Variants in ARMH4 observed in about 807,000 individuals in gnomAD.
The protein encoded by ARMH4 is armadillo like helical domain containing 4.
In ARMH4, 49 loss-of-function variants were observed where a neutral mutation model predicts 61.9. That is an observed-to-expected ratio of 0.79 (90% CI 0.63 to 1.00). ARMH4 has a LOEUF of 1.00. Among genes scored for constraint, ARMH4 ranks in the 50% least tolerant of loss-of-function variants. ARMH4 has a pLI of 0.00. For missense variants in ARMH4, 934 were observed against 930.0 expected (o/e 1.00, Z -0.06); for synonymous variants, 368 against 341.5 (o/e 1.08, Z -0.85).
chr14:58,047,941 G>C (rs2141194636), intron 5 of ARMH4, among the ~76,000 whole-genome samples: 1 of 152,206 alleles, frequency 6.6e-6, no homozygotes, highest in East Asian at 1.9e-4. Context: ...CAGAAACCAA[G>C]GAAACCAGGC....
chr14:58,044,721 T>C (rs10140211), intron 5 of ARMH4, among the ~76,000 whole-genome samples: 75,882 of 151,716 alleles, frequency 0.5, 19,123 homozygotes, highest in East Asian at 0.68. Flanking sequence ...ACTCATCCGA[T>C]AAAGGGCTAA....
At chr14:58,023,004 T>C (rs962734845) in intron 5 of ARMH4, among the ~76,000 whole-genome samples, 3 of 152,350 alleles carry the variant, frequency 2.0e-5, no homozygotes, top group South Asian at 2.1e-4. Context: ...AAATACTTTA[T>C]TACCAAAAAA....
At chr14:58,076,034 AGAAGAAAGAG>A (rs1462972177) in intron 5 of ARMH4, among the ~76,000 whole-genome samples, 1 of 147,922 alleles carries the variant, frequency 6.8e-6, no homozygotes, top group Non-Finnish European at 1.5e-5. Flanking sequence ...GAAAGAAGGA[AGAAGAAAGAG>A]GAAGAAAGAA....
At chr14:58,060,082 T>A (rs1804938478) in intron 5 of ARMH4, among the ~76,000 whole-genome samples, 1 of 152,218 alleles carries the variant, frequency 6.6e-6, no homozygotes, top group Non-Finnish European at 1.5e-5. Context: ...TCATATTAAG[T>A]CCATTGTATT....
intron 4 of ARMH4, among the ~76,000 whole-genome samples, chr14:58,100,807 C>G (rs554088232): frequency 6.6e-6 from 1 of 152,220 alleles, no homozygotes; most frequent in East Asian, 1.9e-4. Context: ...AGCAGGGACT[C>G]CTGGCCATCC....
intron 5 of ARMH4, among the ~76,000 whole-genome samples, chr14:58,016,931 C>T (rs1027117812): frequency 6.6e-6 from 1 of 152,188 alleles, no homozygotes; most frequent in Non-Finnish European, 1.5e-5. Flanking sequence ...GACAAGGATG[C>T]TCACTCTTGC....
At chr14:58,148,082 C>A (rs780838640) in intron 1 of ARMH4, among the ~76,000 whole-genome samples, 1 of 152,174 alleles carries the variant, frequency 6.6e-6, no homozygotes, top group Non-Finnish European at 1.5e-5. Flanking sequence ...TGGAGTCTCG[C>A]TCTGTCGCCC....
At position 58,076,107 on chromosome 14, in the gene ARMH4, AG is replaced by A. The variant is rs202106059; in HGVS notation, c.2089+20616del. On this transcript the variant is annotated intron_variant, in intron 5 of 7. Transcript: ENST00000267485. Reference sequence around the variant, plus strand: ...GAGGAGGAAGGGGAGGGGAAGGGGGAGGGGGAAGGGGAGGAGGAGGAGGAGG... The same window carrying A: ...GAGGAGGAAGGGGAGGGGAAGGGGGAGGGGAAGGGGAGGAGGAGGAGGAGG... Among the ~76,000 whole-genome samples, 437 of 98,848 alleles carry A rather than the reference AG, an allele frequency of 4.4e-3. 5 individuals are homozygous for A. Among genetic ancestry groups the A allele is most frequent in the African/African-American group, 0.016 (416 of 26,394 alleles). The allele number at this position is 98,848 out of a possible 152,430, so 64.8% of individuals were successfully genotyped here. A position where few individuals can be genotyped will look rare whatever the true frequency, so the allele number is the denominator to read the frequency against.
At chr14:58,068,407 C>G (rs904449018) in intron 5 of ARMH4, among the ~76,000 whole-genome samples, 6 of 152,156 alleles carry the variant, frequency 3.9e-5, no homozygotes, top group Non-Finnish European at 7.4e-5. Context: ...CTCAGAACGC[C>G]ACATCCCTTG....
intron 4 of ARMH4, among the ~76,000 whole-genome samples, chr14:58,120,157 AC>A (rs1483645832): frequency 1.3e-5 from 2 of 152,266 alleles, no homozygotes; most frequent in East Asian, 3.9e-4. Context: ...ATGTTACTGT[AC>A]TGAATACTGT....
chr14:58,073,752 A>AAACC (rs1884959799), intron 5 of ARMH4, among the ~76,000 whole-genome samples: 1 of 152,222 alleles, frequency 6.6e-6, no homozygotes, highest in African/African-American at 2.4e-5. Flanking sequence ...GAAATCAAGG[A>AAACC]AACCACCCGG....
chr14:58,101,777 C>A (rs898361471), intron 4 of ARMH4, among the ~76,000 whole-genome samples: 2 of 152,008 alleles, frequency 1.3e-5, no homozygotes, highest in South Asian at 4.1e-4. Flanking sequence ...CATGAAGAAC[C>A]CACCATTGAT....
intron 5 of ARMH4, among the ~76,000 whole-genome samples, chr14:58,059,868 T>G (rs967630446): frequency 6.6e-6 from 1 of 151,976 alleles, no homozygotes; most frequent in Admixed American, 6.6e-5. Flanking sequence ...GAGCTCCCTG[T>G]TTTTTTTGAG....
At chr14:58,100,047 C>T (rs1487075264) in intron 4 of ARMH4, among the ~76,000 whole-genome samples, 1 of 152,114 alleles carries the variant, frequency 6.6e-6, no homozygotes, top group Non-Finnish European at 1.5e-5. Flanking sequence ...AGACAAGGTC[C>T]AGTGCACAGG....
chr14:58,102,628 G>C lies in ARMH4; in HGVS notation c.1832-5647C>G, dbSNP rs1031118268. Among the ~76,000 whole-genome samples the C allele has an allele frequency of 5.9e-4, 89 of 150,050 alleles. 1 individual carries two copies. Among genetic ancestry groups the C allele is most frequent in the Non-Finnish European group, 9.9e-4 (67 of 67,536 alleles). On this transcript the variant is annotated intron_variant, in intron 4 of 7. Coordinates refer to ENST00000267485, the MANE Select transcript of ARMH4 (RefSeq NM_001001872.4). ...AGATCGAGACCATCCTGGCTAACAA[G>C]GTGAAACCCCGTCTCTACTAAAAAT...
intron 5 of ARMH4, among the ~76,000 whole-genome samples, chr14:58,021,977 T>C (rs772959325): frequency 2.0e-5 from 3 of 152,174 alleles, no homozygotes; most frequent in Admixed American, 6.6e-5. Context: ...TTCCTAAAGC[T>C]ACTATAACAA....
intron 4 of ARMH4, among the ~76,000 whole-genome samples, chr14:58,122,665 G>C (rs2141308016): frequency 6.6e-6 from 1 of 152,252 alleles, no homozygotes; most frequent in South Asian, 2.1e-4. Context: ...TCAGGCAAGT[G>C]GACTTTGGAG....
At position 58,096,895 on chromosome 14, in the gene ARMH4, C is replaced by T; in HGVS notation, c.1918G>A (p.Ala640Thr). The T allele has an allele frequency of 6.2e-7, 1 of 1,614,162 alleles. No homozygotes were observed. The highest frequency in any genetic ancestry group is 8.5e-7 in the Non-Finnish European group (1 of 1,180,030). ...TCCAAGCCCTCATCCAGCGAGTCTG[C>T]ATCTTTATCTTCCTCATCTTCTTCC... The part of the protein sequence containing the change: ...DEEEDEEDKD[A>T]DSLDEGLDGD... The change falls in exon 5 of 8, where the codon GCA (alanine) becomes ACA (threonine). Residue 640 changes from alanine to threonine, a missense_variant. Physicochemically the swap from Ala to Thr is moderately conservative, Grantham distance 58 (BLOSUM62 0). Coordinates refer to ENST00000267485, the MANE Select transcript of ARMH4 (RefSeq NM_001001872.4).
In ARMH4 at chr14:58,149,504, A is replaced by G. The variant is rs151226932; in HGVS notation, c.-57+2571T>C. Among the ~76,000 whole-genome samples, 49 of 152,314 alleles carry G rather than the reference A, an allele frequency of 3.2e-4. 1 individual carries two copies. In the South Asian group the frequency reaches 3.3e-3, roughly 10 times the overall value. On this transcript the variant is annotated intron_variant, in intron 1 of 7. Coordinates refer to ENST00000267485, the MANE Select transcript of ARMH4 (RefSeq NM_001001872.4). ...GGTCAAAATAGCTAAATTACTGGAA[A>G]CTAAATACCAGTAAAAAGTACTTTA...
Sources: allele counts gnomAD v4.1 joint callset (sites outside exome capture counted in the v4.1 genomes callset), GRCh38; gene constraint gnomAD v4.1.1; transcripts MANE v1.5; gene names NCBI Gene and HGNC (gene_info 2026-07-23, HGNC 2026-07-21).